Variants in ZNF385D observed in about 807,000 individuals in gnomAD.
ZNF385D encodes zinc finger protein 659.
ZNF385D carries 15 observed loss-of-function variants against 35.8 expected under a neutral mutation model. That is an observed-to-expected ratio of 0.42 (90% CI 0.28 to 0.64). The LOEUF (loss-of-function observed/expected upper bound fraction) is 0.64, where lower values mean the gene tolerates loss of function less well. Among genes scored for constraint, ZNF385D ranks in the 30% least tolerant of loss-of-function variants. The pLI is 0.23. For missense variants in ZNF385D, 474 were observed against 494.6 expected, an observed-to-expected ratio of 0.96 and a Z score of 0.39; for synonymous variants, 212 against 186.8, an observed-to-expected ratio of 1.13 and a Z score of -1.10.
chr3:22,291,388 CATAT>C (rs1702295479), intron 2 of ZNF385D, among the ~76,000 whole-genome samples: 1 of 152,014 alleles, frequency 6.6e-6, no homozygotes, highest in Non-Finnish European at 1.5e-5. Context: ...TTGAGTCCTA[CATAT>C]TTATTTATAA....
At chr3:22,083,024 T>A (rs773656860) in intron 3 of ZNF385D, among the ~76,000 whole-genome samples, 38 of 152,090 alleles carry the variant, frequency 2.5e-4, no homozygotes, top group Non-Finnish European at 4.0e-4. Context: ...CAGAAAGGAA[T>A]AGCATCAACA....
intron 3 of ZNF385D, among the ~76,000 whole-genome samples, chr3:22,098,740 C>A (rs966107561): frequency 6.6e-6 from 1 of 151,692 alleles, no homozygotes; most frequent in African/African-American, 2.4e-5. Context: ...CCTTAATGAT[C>A]AAAGAAATAC....
intron 4 of ZNF385D, among the ~76,000 whole-genome samples, chr3:21,457,040 C>G (rs1702869079): frequency 6.6e-6 from 1 of 152,116 alleles, no homozygotes; most frequent in Non-Finnish European, 1.5e-5. Context: ...AATGTAAAAT[C>G]TACAAGGGCA....
intron 3 of ZNF385D, among the ~76,000 whole-genome samples, chr3:21,903,240 T>C (rs1484548187): frequency 3.3e-5 from 5 of 152,178 alleles, no homozygotes. Context: ...AAACCGATCA[T>C]GAAAAGAATT....
chr3:21,869,958 A>G (rs1697595449), intron 3 of ZNF385D, among the ~76,000 whole-genome samples: 1 of 152,166 alleles, frequency 6.6e-6, no homozygotes, highest in Admixed American at 6.6e-5. Flanking sequence ...AGGTTTTTTA[A>G]GTAGATAAAA....
At chr3:22,291,012 T>A (rs1702275586) in intron 2 of ZNF385D, among the ~76,000 whole-genome samples, 1 of 152,182 alleles carries the variant, frequency 6.6e-6, no homozygotes, top group Non-Finnish European at 1.5e-5. Context: ...CTCCCATCAA[T>A]GAAGGACTTA....
Position 21,944,665 on chromosome 3 carries a change from T to C in ZNF385D, c.325+224152A>G, listed in dbSNP as rs558372190. 3.9e-5 allele frequency among the ~76,000 whole-genome samples: 6 copies of C among 152,320 alleles called. No homozygotes were observed. In the South Asian group the frequency reaches 1.2e-3, roughly 32 times the overall value. On this transcript the variant is annotated intron_variant, in intron 3 of 5. Coordinates refer to the ZNF385D transcript ENST00000494108. ...TGGGAGAATAACTAGGTTTACAGAA[T>C]CATTTAGAAACGTTAAATTTCTTAA...
At chr3:21,801,325 T>C (rs2072389493) in intron 3 of ZNF385D, among the ~76,000 whole-genome samples, 1 of 152,150 alleles carries the variant, frequency 6.6e-6, no homozygotes, top group South Asian at 2.1e-4. Flanking sequence ...ATCAGGGTAA[T>C]ACTGGACCCA....
At chr3:22,110,976 T>C (rs1485037160) in intron 3 of ZNF385D, among the ~76,000 whole-genome samples, 1 of 151,886 alleles carries the variant, frequency 6.6e-6, no homozygotes, top group East Asian at 1.9e-4. Context: ...GTCTGAAGAC[T>C]TTTGTGCTGT....
intron 3 of ZNF385D, among the ~76,000 whole-genome samples, chr3:21,844,182 A>C (rs1695855298): frequency 6.6e-6 from 1 of 152,016 alleles, no homozygotes; most frequent in African/African-American, 2.4e-5. Flanking sequence ...AGGACAAGTA[A>C]GATTTAGTAC....
At chr3:21,468,361 C>T (rs955669971) in intron 4 of ZNF385D, among the ~76,000 whole-genome samples, 4 of 142,818 alleles carry the variant, frequency 2.8e-5, no homozygotes, top group Non-Finnish European at 4.5e-5. Context: ...AAGATCATAC[C>T]ACTGCACTCC....
rs780753383 is a variant in ZNF385D at position 22,361,190 on chromosome 3, T to G, written c.106+11260A>C. On this transcript the variant is annotated intron_variant, in intron 2 of 5. Transcript: ENST00000494108. ...ACACAGAATTTCCAAACTCAGCTAA[T>G]GGACAAGATGATTCATTGTTCCAAT... Among the ~76,000 whole-genome samples, 34 of 152,016 alleles carry G rather than the reference T, an allele frequency of 2.2e-4. 1 individual carries two copies. The highest frequency in any genetic ancestry group is 8.8e-5 in the Non-Finnish European group (6 of 67,944).
chr3:22,289,490 T>C (rs1702189024), intron 2 of ZNF385D, among the ~76,000 whole-genome samples: 1 of 152,156 alleles, frequency 6.6e-6, no homozygotes, highest in South Asian at 2.1e-4. Flanking sequence ...ACACCACTGA[T>C]TCCCAAATTC....
At chr3:22,282,245 C>T (rs1436927641) in intron 2 of ZNF385D, among the ~76,000 whole-genome samples, 1 of 151,874 alleles carries the variant, frequency 6.6e-6, no homozygotes, top group African/African-American at 2.4e-5. Flanking sequence ...TTTAGTTCTG[C>T]TCTGATCTTT....
chr3:22,136,122 G>A (rs1576380403), intron 3 of ZNF385D, among the ~76,000 whole-genome samples: 1 of 152,188 alleles, frequency 6.6e-6, no homozygotes, highest in East Asian at 1.9e-4. Flanking sequence ...GGTGGCTCAT[G>A]CCTATAATCC....
intron 2 of ZNF385D, among the ~76,000 whole-genome samples, chr3:21,592,413 C>T (rs948447465): frequency 2.0e-5 from 3 of 151,270 alleles, no homozygotes; most frequent in Non-Finnish European, 4.4e-5. Context: ...GCAAGAGAAA[C>T]AAGTTAATGA....
At chr3:21,956,321 G>GTGTAAA (rs1702285889) in intron 3 of ZNF385D, among the ~76,000 whole-genome samples, 2 of 151,660 alleles carry the variant, frequency 1.3e-5, no homozygotes, top group African/African-American at 4.8e-5. Flanking sequence ...TGCTGTATAG[G>GTGTAAA]GGCTTCCTTT....
chr3:22,344,258 A>G (rs1695554560), intron 2 of ZNF385D, among the ~76,000 whole-genome samples: 1 of 151,860 alleles, frequency 6.6e-6, no homozygotes, highest in Non-Finnish European at 1.5e-5. Flanking sequence ...AAGGTTTTGG[A>G]GTCAGACTGG....
chr3:21,987,884 C>T (rs1694904284), intron 3 of ZNF385D, among the ~76,000 whole-genome samples: 1 of 141,820 alleles, frequency 7.1e-6, no homozygotes, highest in African/African-American at 2.7e-5. Context: ...ATTCTTTTTT[C>T]TCTAAACTTC....
Sources: allele counts gnomAD v4.1 joint callset (sites outside exome capture counted in the v4.1 genomes callset), GRCh38; gene constraint gnomAD v4.1.1; transcripts MANE v1.5; gene names NCBI Gene and HGNC (gene_info 2026-07-23, HGNC 2026-07-21).